Variants in HMCN1 observed in about 807,000 individuals in gnomAD.
HMCN1 encodes hemicentin 1.
In HMCN1, 321 loss-of-function variants were observed where a neutral mutation model predicts 625.9. That is an observed-to-expected ratio of 0.51 (90% CI 0.47 to 0.56). HMCN1 has a LOEUF of 0.56. Among genes scored for constraint, HMCN1 ranks in the 20% least tolerant of loss-of-function variants. The pLI is 0.00. For synonymous variants in HMCN1, 2,425 were observed against 2,417.6 expected, an observed-to-expected ratio of 1.00 and a Z score of -0.09; for missense variants, 6,588 against 6,887.3, an observed-to-expected ratio of 0.96 and a Z score of 1.54.
intron 6 of HMCN1, among the ~76,000 whole-genome samples, chr1:185,917,459 GC>G (rs1476091261): frequency 6.6e-6 from 1 of 152,110 alleles, no homozygotes; most frequent in African/African-American, 2.4e-5. Flanking sequence ...TCTTTGTAGT[GC>G]CATAAAATTA....
chr1:185,772,243 C>T (rs1351057892), intron 1 of HMCN1, among the ~76,000 whole-genome samples: 1 of 152,020 alleles, frequency 6.6e-6, no homozygotes, highest in African/African-American at 2.4e-5. Flanking sequence ...GATGAAGAAC[C>T]ATAAAATAGT....
intron 100 of HMCN1, among the ~76,000 whole-genome samples, chr1:186,169,489 G>A (rs544247905): frequency 1.3e-5 from 2 of 152,270 alleles, no homozygotes; most frequent in East Asian, 3.9e-4. Context: ...TACCAGAATA[G>A]ATATACAGAC....
chr1:185,966,960 T>G (rs1650451385), intron 14 of HMCN1, among the ~76,000 whole-genome samples: 1 of 152,176 alleles, frequency 6.6e-6, no homozygotes, highest in Non-Finnish European at 1.5e-5. Flanking sequence ...TTAGTCTTCA[T>G]GTTTTCTCTG....
chr1:185,977,209 T>A (rs2101988147), intron 15 of HMCN1, among the ~76,000 whole-genome samples: 1 of 152,270 alleles, frequency 6.6e-6, no homozygotes, highest in Non-Finnish European at 1.5e-5. Flanking sequence ...TTACTTTGAT[T>A]CGTATTATTT....
chr1:185,827,180 A>AG (rs1465831645), intron 1 of HMCN1, among the ~76,000 whole-genome samples: 1 of 151,046 alleles, frequency 6.6e-6, no homozygotes, highest in Non-Finnish European at 1.5e-5. Context: ...TCAAAAAAAA[A>AG]AAAAAAAAGA....
rs145478837 is a variant in HMCN1 at position 185,756,335 on chromosome 1, C to T, written c.268+21288C>T. Among the ~76,000 whole-genome samples, 1,053 of 152,094 alleles carry T rather than the reference C, an allele frequency of 6.9e-3. 7 individuals carry two copies. Among genetic ancestry groups the T allele is most frequent in the African/African-American group, 0.018 (735 of 41,474 alleles). On this transcript the variant is annotated intron_variant, in intron 1 of 106. Coordinates refer to ENST00000271588, the MANE Select transcript of HMCN1 (RefSeq NM_031935.3). ...TTCTGCCATTGTGTCTTTAAGTTCA[C>T]CTTTCTCATTGTCCCAGGGAAAGAC...
chr1:186,092,114 A>T (rs1254663398), intron 64 of HMCN1, among the ~76,000 whole-genome samples: 1 of 151,892 alleles, frequency 6.6e-6, no homozygotes, highest in East Asian at 1.9e-4. Context: ...ATTCATAGCT[A>T]GGAATTTGGA....
chr1:185,915,595 A>G (rs1051140415), intron 6 of HMCN1, among the ~76,000 whole-genome samples: 1 of 152,072 alleles, frequency 6.6e-6, no homozygotes, highest in African/African-American at 2.4e-5. Context: ...GTGTGTACCC[A>G]ACCGCATGAT....
intron 69 of HMCN1, among the ~76,000 whole-genome samples, chr1:186,106,376 C>T (rs1660607423): frequency 6.6e-6 from 1 of 152,108 alleles, no homozygotes; most frequent in Non-Finnish European, 1.5e-5. Flanking sequence ...CCCTATTTCT[C>T]ATATTACATA....
At chr1:186,086,968 C>A (rs1482652501) in intron 58 of HMCN1, among the ~76,000 whole-genome samples, 4 of 152,102 alleles carry the variant, frequency 2.6e-5, no homozygotes, top group African/African-American at 9.6e-5. Flanking sequence ...CTGTATCAAA[C>A]AGTTTTACTG....
intron 29 of HMCN1, 68 bp downstream of exon 29, chr1:186,003,912 G>A (rs79337730): frequency 1.4e-6 from 2 of 1,430,758 alleles, no homozygotes; most frequent in Non-Finnish European, 2.0e-6. Flanking sequence ...AATGCATGTG[G>A]ATTTTCTCCC....
chr1:186,108,552 G>A lies in HMCN1; in HGVS notation c.10944G>A (p.Val3648=), dbSNP rs778640916. Residue 3648 remains valine (V), a synonymous_variant, in exon 71 of 107, where the codon GTG becomes GTA. Transcript: ENST00000271588. The stretch of plus-strand genomic sequence containing the variant: ...CATTGGAATGCAAGTCAGATGCAGT[G>A]CCCCCACCTGTAATTACTTGGCTCA... ...QVTLECKSDA[V]PPPVITWLRN... 1.9e-6 allele frequency: 3 copies of A among 1,614,080 alleles called. No individual in the cohort carries two copies. Among genetic ancestry groups the A allele is most frequent in the Non-Finnish European group, 2.5e-6 (3 of 1,180,004 alleles).
chr1:185,891,291 G>A (rs1665062191), intron 4 of HMCN1, among the ~76,000 whole-genome samples: 1 of 140,502 alleles, frequency 7.1e-6, no homozygotes, highest in South Asian at 2.2e-4. Flanking sequence ...TCTTTTAATT[G>A]GAGCATTTAG....
chr1:186,069,580 GA>G (rs1658358008), intron 50 of HMCN1, 82 bp from the exon 51 acceptor site: 1 of 821,888 alleles, frequency 1.2e-6, no homozygotes, highest in Non-Finnish European at 2.1e-6. Flanking sequence ...ATGTTAACAA[GA>G]AGACGTAAAC....
At chr1:185,833,748 T>G (rs1661011921) in intron 1 of HMCN1, among the ~76,000 whole-genome samples, 1 of 152,142 alleles carries the variant, frequency 6.6e-6, no homozygotes, top group South Asian at 2.1e-4. Context: ...AATTATAATA[T>G]TTTAAGGATT....
At chr1:185,878,949 G>A (rs1664121707) in intron 4 of HMCN1, among the ~76,000 whole-genome samples, 1 of 152,182 alleles carries the variant, frequency 6.6e-6, no homozygotes, top group South Asian at 2.1e-4. Flanking sequence ...CTGTAAGATA[G>A]AAGCTCCTCA....
chr1:185,740,582 T>A (rs1653916780), intron 1 of HMCN1, among the ~76,000 whole-genome samples: 1 of 151,790 alleles, frequency 6.6e-6, no homozygotes, highest in African/African-American at 2.4e-5. Context: ...GTAGGAAGTG[T>A]TTAGGTAGAT....
Position 185,989,642 on chromosome 1 carries a change from T to C in HMCN1, c.3203T>C (p.Val1068Ala). 1.2e-6 allele frequency: 2 copies of C among 1,613,900 alleles called. No individual in the cohort carries two copies. Among genetic ancestry groups the C allele is most frequent in the Non-Finnish European group, 1.7e-6 (2 of 1,179,864 alleles). Residue 1068 changes from valine (V) to alanine (A), a missense_variant, in exon 21 of 107, where the codon GTC (valine) becomes GCC (alanine). Transcript: ENST00000271588. ...GCCAAAAGGAAAGTGCAGCTAACAG[T>C]CTATGGTGAGAGCTGGTGGAGGAAT... is the stretch of plus-strand genomic sequence containing the variant. ...GYAKRKVQLTVYVRPRVFGDQ... is the reference protein window; with the variant it reads ...GYAKRKVQLTAYVRPRVFGDQ...
intron 41 of HMCN1, 112 bp downstream of exon 41, chr1:186,045,975 C>G: frequency 2.5e-6 from 2 of 798,684 alleles, no homozygotes; most frequent in Non-Finnish European, 4.0e-6. Context: ...TTTTCTCTTA[C>G]AAAATTCTAG....
Sources: gnomAD v4.1 joint callset for allele counts (sites outside exome capture counted in the v4.1 genomes callset) on GRCh38, gnomAD v4.1.1 for gene constraint, MANE v1.5 for transcripts, NCBI Gene and HGNC (gene_info 2026-07-23, HGNC 2026-07-21) for gene names.